The following ARHGEF10 variants were observed in gnomAD, a reference collection of about 807,000 sequenced individuals.
The protein encoded by ARHGEF10 is Rho guanine nucleotide exchange factor (GEF) 10.
Under a neutral mutation model 147.4 loss-of-function variants are expected in ARHGEF10, and 140 were observed. The ratio of observed to expected loss-of-function variants is 0.95; its 90% confidence interval spans 0.83 to 1.09. The LOEUF is 1.09. Among genes scored for constraint, ARHGEF10 ranks in the 50% least tolerant of loss-of-function variants. ARHGEF10 has a pLI of 0.00. For synonymous variants in ARHGEF10, 902 were observed against 695.8 expected, an observed-to-expected ratio of 1.30 and a Z score of -4.67; for missense variants, 2,222 against 1,752.7, an observed-to-expected ratio of 1.27 and a Z score of -4.78.
chr8:1,844,623 G>A (rs1390973190), intron 2 of ARHGEF10, among the ~76,000 whole-genome samples: 1 of 152,138 alleles, frequency 6.6e-6, no homozygotes, highest in Non-Finnish European at 1.5e-5. Flanking sequence ...ACCCGGTACC[G>A]GAAACCCGAG....
intron 26 of ARHGEF10, among the ~76,000 whole-genome samples, chr8:1,944,656 G>C (rs1814413706): frequency 6.6e-6 from 1 of 152,344 alleles, no homozygotes; most frequent in South Asian, 2.1e-4. Context: ...CTTTACTTTA[G>C]ATAACTGTGC....
chr8:1,907,493 G>A (rs374209787), intron 17 of ARHGEF10, among the ~76,000 whole-genome samples: 8 of 152,138 alleles, frequency 5.3e-5, no homozygotes, highest in Admixed American at 2.0e-4. Flanking sequence ...AGTCTTTTCC[G>A]CATTCATCAC....
chr8:1,934,368 AAAAAGG>A (rs1813403140), intron 26 of ARHGEF10, among the ~76,000 whole-genome samples: 1 of 151,578 alleles, frequency 6.6e-6, no homozygotes, highest in Non-Finnish European at 1.5e-5. Context: ...AAAAAAAAAA[AAAAAGG>A]AAAGGGAAAG....
chr8:1,843,279 T>A lies in ARHGEF10; in HGVS notation c.-47-74T>A, dbSNP rs1804232770. 3 of 1,178,374 alleles carry A rather than the reference T, an allele frequency of 2.5e-6. No homozygotes were observed. The South Asian group carries it at 3.9e-5, about 15-fold the overall frequency. 73.0% of individuals were successfully genotyped at this position (1,178,374 alleles called of 1,614,324 possible). A position where few individuals can be genotyped will look rare whatever the true frequency, so the allele number is the denominator to read the frequency against. On this transcript the variant is annotated intron_variant, in intron 1 of 28. Transcript: ENST00000349830. The stretch of plus-strand genomic sequence containing the variant: ...CTCTTCCTTTTTGCGGGGTTCTCTG[T>A]CGACAGCCCTACACCTATTGAGTGC...
At chr8:1,951,080 C>T (rs1022855595) in intron 27 of ARHGEF10, among the ~76,000 whole-genome samples, 8 of 152,200 alleles carry the variant, frequency 5.3e-5, no homozygotes, top group Non-Finnish European at 7.3e-5. Context: ...AGGCCGGGTT[C>T]AGGTTTGATG....
intron 13 of ARHGEF10, 109 bp downstream of exon 13, chr8:1,894,681 T>G: frequency 7.8e-7 from 1 of 1,278,264 alleles, no homozygotes; most frequent in Non-Finnish European, 1.1e-6. Context: ...CTGACAAGTG[T>G]GCAGTTCTCT....
intron 2 of ARHGEF10, among the ~76,000 whole-genome samples, chr8:1,849,675 A>AGT (rs1563172904): frequency 2.9e-4 from 34 of 118,330 alleles, no homozygotes; most frequent in African/African-American, 9.1e-4. Flanking sequence ...TGGGGTGGCC[A>AGT]CGTGGGCATG....
In ARHGEF10 at chr8:1,945,047, C is replaced by G. The variant is rs34168460; in HGVS notation, c.3223-434C>G. 3.5e-4 allele frequency among the ~76,000 whole-genome samples: 53 copies of G among 152,358 alleles called. No individual in the cohort carries two copies. The East Asian group carries it at 9.3e-3, about 27-fold the overall frequency. ...AAGGTGCCTTTCCAGGACAGCAGAG[C>G]TAAGAGGAGGCACAGACTCAGAACC... On this transcript the variant is annotated intron_variant, in intron 26 of 28. Transcript: ENST00000349830.
chr8:1,934,969 A>G (rs1813455345), intron 26 of ARHGEF10, among the ~76,000 whole-genome samples: 1 of 152,218 alleles, frequency 6.6e-6, no homozygotes. Flanking sequence ...TTAAACTAAG[A>G]AAAAGGTAAC....
chr8:1,855,831 A>G (rs1209793587), intron 2 of ARHGEF10, among the ~76,000 whole-genome samples: 1 of 152,152 alleles, frequency 6.6e-6, no homozygotes, highest in East Asian at 1.9e-4. Flanking sequence ...AAAATATTCC[A>G]GAAAACAGTT....
intron 18 of ARHGEF10, among the ~76,000 whole-genome samples, chr8:1,920,043 A>ATGGGTGATGGG (rs1812145437): frequency 2.3e-4 from 14 of 60,500 alleles, no homozygotes; most frequent in Non-Finnish European, 4.8e-4. Context: ...TGGGTGATGG[A>ATGGGTGATGGG]GCTGTTCCGT....
intron 2 of ARHGEF10, among the ~76,000 whole-genome samples, chr8:1,854,239 G>A (rs1000379914): frequency 5.9e-5 from 9 of 151,994 alleles, no homozygotes; most frequent in African/African-American, 9.7e-5. Flanking sequence ...CTCAGAGGGC[G>A]GCGCAGCCTC....
intron 1 of ARHGEF10, among the ~76,000 whole-genome samples, chr8:1,824,456 C>G (rs1288472095): frequency 1.3e-5 from 2 of 151,960 alleles, no homozygotes; most frequent in East Asian, 3.9e-4. Context: ...CGTGCAGTAA[C>G]TTAGATTTTC....
chr8:1,835,358 A>C (rs1169252538), intron 1 of ARHGEF10, among the ~76,000 whole-genome samples: 1 of 152,154 alleles, frequency 6.6e-6, no homozygotes, highest in Non-Finnish European at 1.5e-5. Context: ...GTCCCTGTGC[A>C]GCTGAGGCCG....
chr8:1,911,933 C>T (rs914825452), intron 18 of ARHGEF10, among the ~76,000 whole-genome samples: 1 of 152,218 alleles, frequency 6.6e-6, no homozygotes, highest in Non-Finnish European at 1.5e-5. Context: ...TTTGTCACTT[C>T]TAAATTATAT....
At chr8:1,945,719 A>T (rs1245862253) in intron 27 of ARHGEF10, 64 bp downstream of exon 27, 1 of 1,599,562 alleles carries the variant, frequency 6.3e-7, no homozygotes, top group East Asian at 2.2e-5. Context: ...GGGGGTGCGG[A>T]GCGCTGTCAG....
At chr8:1,902,614 A>G (rs1563259749) in intron 15 of ARHGEF10, among the ~76,000 whole-genome samples, 1 of 147,636 alleles carries the variant, frequency 6.8e-6, no homozygotes, top group East Asian at 2.1e-4. Flanking sequence ...CCCTCCCCCC[A>G]CATCTCCACC....
At position 1,832,658 on chromosome 8, in the gene ARHGEF10, ACAGAGG is replaced by A. The variant is rs1432536276; in HGVS notation, c.-48+8551_-48+8556del. ...GAGGCAGAGGCAGAGACAGAGAGAG[ACAGAGG>A]CAGAGACAGAGGCAGAGACAGAGAC... On this transcript the variant is annotated intron_variant, in intron 1 of 28. Coordinates refer to ENST00000349830, the MANE Select transcript of ARHGEF10 (RefSeq NM_014629.4). 6.0e-5 allele frequency among the ~76,000 whole-genome samples: 5 copies of A among 83,822 alleles called. 1 individual carries two copies. Among genetic ancestry groups the A allele is most frequent in the Non-Finnish European group, 7.6e-5 (3 of 39,244 alleles). The allele number at this position is 83,822 out of a possible 152,430, so 55.0% of individuals were successfully genotyped here.
rs1028726880 is a variant in ARHGEF10, at chr8:1,939,316, A to T, written c.3222+5374A>T. Among the ~76,000 whole-genome samples the T allele has an allele frequency of 2.6e-5, 4 of 152,380 alleles. No individual in the cohort carries two copies. In the South Asian group the frequency reaches 8.3e-4, roughly 32 times the overall value. On this transcript the variant is annotated intron_variant, in intron 26 of 28. Coordinates refer to ENST00000349830, the MANE Select transcript of ARHGEF10 (RefSeq NM_014629.4). ...CCATATAATCTGTCCTCCAGAAGAA[A>T]CATAGCAAACATTTACCAAGTACCT... is the stretch of plus-strand genomic sequence containing the variant.
Sources: allele counts gnomAD v4.1 joint callset (sites outside exome capture counted in the v4.1 genomes callset), GRCh38; gene constraint gnomAD v4.1.1; transcripts MANE v1.5; gene names NCBI Gene and HGNC (gene_info 2026-07-23, HGNC 2026-07-21).